Variants in MME observed in about 807,000 individuals in gnomAD.
The protein encoded by MME is neprilysin.
A neutral mutation model predicts 113.2 loss-of-function variants in MME; 98 were observed. The ratio of observed to expected loss-of-function variants is 0.87; its 90% CI spans 0.74 to 1.02. The LOEUF is 1.02. Among genes scored for constraint, MME ranks in the 50% least tolerant of loss-of-function variants. The pLI, the probability that MME is intolerant of heterozygous loss-of-function variation, is 0.00. For synonymous variants in MME, 292 were observed against 300.6 expected, an observed-to-expected ratio of 0.97 and a Z score of 0.30; for missense variants, 836 against 896.0, an observed-to-expected ratio of 0.93 and a Z score of 0.86.
intron 1 of MME, among the ~76,000 whole-genome samples, chr3:155,045,114 C>T (rs1376844365): frequency 6.6e-6 from 1 of 151,152 alleles, no homozygotes; most frequent in Admixed American, 6.6e-5. Context: ...GTCCTTCTAT[C>T]TTTTCTGCAA....
chr3:155,164,191 T>C (rs1269422228), intron 17 of MME, among the ~76,000 whole-genome samples: 1 of 151,428 alleles, frequency 6.6e-6, no homozygotes, highest in Non-Finnish European at 1.5e-5. Context: ...CCAAAAAAAT[T>C]ACTTAATTGC....
intron 1 of MME, among the ~76,000 whole-genome samples, chr3:155,067,019 G>C (rs1164004243): frequency 6.6e-6 from 1 of 152,014 alleles, no homozygotes; most frequent in Non-Finnish European, 1.5e-5. Context: ...CACCGATTTA[G>C]AGACTATAAA....
At chr3:155,178,010 C>G (rs371240263) in intron 22 of MME, among the ~76,000 whole-genome samples, 26 of 152,170 alleles carry the variant, frequency 1.7e-4, no homozygotes, top group East Asian at 1.2e-3. Context: ...TCTCCAACAA[C>G]CACACGCCAT....
chr3:155,093,639 C>A (rs1160648148), intron 3 of MME, among the ~76,000 whole-genome samples: 1 of 151,986 alleles, frequency 6.6e-6, no homozygotes, highest in Non-Finnish European at 1.5e-5. Context: ...AGGTGGCTCA[C>A]GAGGTCAGGA....
chr3:155,132,369 C>T (rs934447860), intron 8 of MME, among the ~76,000 whole-genome samples: 3 of 152,106 alleles, frequency 2.0e-5, no homozygotes, highest in Admixed American at 6.5e-5. Context: ...TGAAGATAGT[C>T]CTAACTAGAG....
At chr3:155,036,358 C>A (rs1230455068) in intron 1 of MME, among the ~76,000 whole-genome samples, 2 of 152,178 alleles carry the variant, frequency 1.3e-5, no homozygotes, top group Non-Finnish European at 2.9e-5. Flanking sequence ...ATGTAACCAT[C>A]ACTGGAATCA....
intron 8 of MME, among the ~76,000 whole-genome samples, chr3:155,134,880 A>AT (rs1290233627): frequency 6.6e-6 from 1 of 152,104 alleles, no homozygotes; most frequent in African/African-American, 2.4e-5. Flanking sequence ...TATATCTCTG[A>AT]TGATTAGCTA....
At chr3:155,165,932 A>G (rs925895908) in intron 17 of MME, among the ~76,000 whole-genome samples, 4 of 152,216 alleles carry the variant, frequency 2.6e-5, no homozygotes, top group African/African-American at 9.6e-5. Flanking sequence ...GATGCATTAA[A>G]TATAACACAT....
chr3:155,091,746 G>C, intron 3 of MME, among the ~76,000 whole-genome samples: 1 of 152,066 alleles, frequency 6.6e-6, no homozygotes, highest in East Asian at 1.9e-4. Context: ...TGAAAAATAC[G>C]CAATTTAAAA....
rs4405870 is a variant in MME, at chr3:155,087,249, G to T, written c.196+2155G>T. Among the ~76,000 whole-genome samples, 1,138 of 120,902 alleles carry T rather than the reference G, an allele frequency of 9.4e-3. 9 individuals are homozygous for T. Among genetic ancestry groups the T allele is most frequent in the South Asian group, 0.023 (94 of 4,124 alleles). The allele number at this position is 120,902 out of a possible 152,430, so 79.3% of individuals were successfully genotyped here. ...TAATATCCTGAATCTGTGCCCTTTG[G>T]TTTTTTTTTTTTTTTGTATCGTTTT... is the stretch of plus-strand genomic sequence containing the variant. On this transcript the variant is annotated intron_variant, in intron 3 of 22. Transcript: ENST00000360490.
At chr3:155,042,447 C>T (rs1342212619) in intron 1 of MME, among the ~76,000 whole-genome samples, 3 of 152,040 alleles carry the variant, frequency 2.0e-5, no homozygotes, top group Admixed American at 1.3e-4. Flanking sequence ...CTTATAGATC[C>T]ATCAGGGAGT....
At chr3:155,138,044 G>C in intron 8 of MME, 58 bp from the exon 9 acceptor site, 1 of 1,580,576 alleles carries the variant, frequency 6.3e-7, no homozygotes, top group South Asian at 1.1e-5. Flanking sequence ...TAAATTTTAA[G>C]TACCATGATG....
intron 14 of MME, among the ~76,000 whole-genome samples, chr3:155,146,692 T>C (rs1285348968): frequency 1.3e-5 from 2 of 152,014 alleles, no homozygotes; most frequent in East Asian, 3.9e-4. Context: ...CAGGAACCAA[T>C]ATTTAGGACT....
intron 1 of MME, among the ~76,000 whole-genome samples, chr3:155,066,759 T>G (rs538072103): frequency 1.1e-4 from 17 of 152,212 alleles, no homozygotes; most frequent in Non-Finnish European, 2.2e-4. Flanking sequence ...TCTAGCTTGG[T>G]ACTCTCATCT....
chr3:155,165,796 G>A (rs955041849), intron 17 of MME, among the ~76,000 whole-genome samples: 1 of 152,142 alleles, frequency 6.6e-6, no homozygotes, highest in Non-Finnish European at 1.5e-5. Flanking sequence ...GTAAAAGACT[G>A]TAAAAGAAAG....
intron 8 of MME, among the ~76,000 whole-genome samples, chr3:155,131,779 C>T (rs1200922046): frequency 6.6e-6 from 1 of 152,136 alleles, no homozygotes; most frequent in Non-Finnish European, 1.5e-5. Flanking sequence ...CCAGAAATGG[C>T]TGTGTGACTA....
In MME at chr3:155,084,173, C is replaced by T. The variant is rs1274701870; in HGVS notation, c.6C>T (p.Gly2=). The part of the protein sequence containing the change: M[G]KSESQMDITD... ...TTTTTTGCAGATTTTAGGTGATGGG[C>T]AAGTCAGAAAGTCAGATGGATATAA... The change falls in exon 2 of 23, where the codon GGC becomes GGT. Residue 2 remains glycine (G), a synonymous_variant. Coordinates refer to ENST00000360490, the MANE Select transcript of MME (RefSeq NM_007289.4). 1.2e-6 allele frequency: 2 copies of T among 1,613,554 alleles called. No individual in the cohort carries two copies. The highest frequency in any genetic ancestry group is 2.7e-5 in the African/African-American group (2 of 74,862).
intron 1 of MME, among the ~76,000 whole-genome samples, chr3:155,045,422 A>G (rs1031575163): frequency 2.0e-5 from 3 of 152,126 alleles, no homozygotes; most frequent in African/African-American, 7.2e-5. Context: ...TTCTGGGATT[A>G]CAGGTGTGAG....
chr3:155,046,317 G>T (rs1194358175), intron 1 of MME, among the ~76,000 whole-genome samples: 2 of 152,114 alleles, frequency 1.3e-5, no homozygotes, highest in Admixed American at 1.3e-4. Context: ...ATACAATCTT[G>T]TGCCACATAA....
Sources: gnomAD v4.1 joint callset for allele counts (sites outside exome capture counted in the v4.1 genomes callset) on GRCh38, gnomAD v4.1.1 for gene constraint, MANE v1.5 for transcripts, NCBI Gene and HGNC (gene_info 2026-07-23, HGNC 2026-07-21) for gene names.